Variants in SLC28A1 observed in about 807,000 individuals in gnomAD.
SLC28A1 encodes sodium/nucleoside cotransporter 1.
Under a neutral mutation model 74.8 loss-of-function variants are expected in SLC28A1, and 64 were observed. That is an observed-to-expected ratio of 0.86 (90% CI 0.70 to 1.05). The LOEUF is 1.05. Ranked by LOEUF, SLC28A1 falls within the 50% of genes least tolerant of loss-of-function variation. The pLI is 0.00. For missense variants in SLC28A1, 828 were observed against 822.8 expected (o/e 1.01, Z -0.08); for synonymous variants, 359 against 335.0 (o/e 1.07, Z -0.78).
At chr15:84,912,830 A>G (rs1469658307) in intron 9 of SLC28A1, among the ~76,000 whole-genome samples, 5 of 151,810 alleles carry the variant, frequency 3.3e-5, no homozygotes, top group South Asian at 4.2e-4. Context: ...ACACACACAC[A>G]CACACACACA....
At chr15:84,950,874 G>A in the SLC28A1 span, among the ~76,000 whole-genome samples, 3,098 of 152,084 alleles carry the variant, frequency 0.02, 56 homozygotes, top group Non-Finnish European at 0.026. Flanking sequence ...TTCAGCTTTC[G>A]TGGGCCATAT....
chr15:84,890,999 G>A (rs898566229), intron 5 of SLC28A1, among the ~76,000 whole-genome samples: 1 of 152,202 alleles, frequency 6.6e-6, no homozygotes, highest in African/African-American at 2.4e-5. Flanking sequence ...GGAGGGTAAA[G>A]TTCTAGACAA....
Position 84,888,828 on chromosome 15 carries a change from G to T in SLC28A1, c.153G>T (p.Trp51Cys). 1 of 1,554,204 alleles carries T rather than the reference G, an allele frequency of 6.4e-7. No individual in the cohort carries two copies. The highest frequency in any genetic ancestry group is 1.2e-5 in the South Asian group (1 of 84,166). The change falls in exon 4 of 19, where the codon TGG (tryptophan) becomes TGT (cysteine). Residue 51 changes from tryptophan to cysteine, a missense_variant. By Grantham distance (215) the Trp-to-Cys change is radical. Transcript: ENST00000394573. The part of the protein sequence containing the change: ...DLSPAEIRSS[W>C]SEAAPKPFSR... ...GCCCCGCAGAGATCAGGAGCAGCTG[G>T]AGCGAGGCGGCGCCGAAGCCCTTCT...
chr15:84,888,831 C>T lies in SLC28A1; in HGVS notation c.156C>T (p.Ser52=), dbSNP rs778321548. Reference sequence around the variant, plus strand: ...CCGCAGAGATCAGGAGCAGCTGGAGCGAGGCGGCGCCGAAGCCCTTCTCCA... The same window carrying T: ...CCGCAGAGATCAGGAGCAGCTGGAGTGAGGCGGCGCCGAAGCCCTTCTCCA... ...LSPAEIRSSW[S]EAAPKPFSRW... is the part of the protein sequence containing the mutation. The change falls in exon 4 of 19, where the codon AGC becomes AGT. Residue 52 remains serine, a synonymous_variant. Transcript: ENST00000394573. 12 of 1,553,588 alleles carry T rather than the reference C, an allele frequency of 7.7e-6. No individual in the cohort carries two copies. Among genetic ancestry groups the T allele is most frequent in the African/African-American group, 6.8e-5 (5 of 73,158 alleles).
chr15:84,939,980 C>A (rs376807810), intron 15 of SLC28A1, among the ~76,000 whole-genome samples: 1 of 152,116 alleles, frequency 6.6e-6, no homozygotes, highest in Admixed American at 6.6e-5. Flanking sequence ...TGTGCCACCA[C>A]ACCTGGCTAA....
intron 2 of SLC28A1, 27 bp from the exon 3 acceptor site, chr15:84,887,718 T>C (rs1446172991): frequency 3.1e-6 from 5 of 1,603,764 alleles, no homozygotes; most frequent in African/African-American, 1.3e-5. Flanking sequence ...CCTTTCAGCG[T>C]TGGGCGCTCC....
intron 7 of SLC28A1, among the ~76,000 whole-genome samples, chr15:84,905,285 G>C (rs1017202383): frequency 6.6e-6 from 1 of 152,214 alleles, no homozygotes; most frequent in Admixed American, 6.5e-5. Context: ...CATGCCCAAG[G>C]CTGGTCCGGT....
chr15:84,946,043 CACATATATATACAT>C (rs2079191357), downstream of SLC28A1, among the ~76,000 whole-genome samples: 1 of 127,816 alleles, frequency 7.8e-6, no homozygotes, highest in African/African-American at 2.9e-5. Context: ...TATAAATACA[CACATATATATACAT>C]ACATATATAT....
intron 9 of SLC28A1, among the ~76,000 whole-genome samples, chr15:84,915,376 A>C (rs768470998): frequency 6.6e-6 from 1 of 152,212 alleles, no homozygotes; most frequent in African/African-American, 2.4e-5. Flanking sequence ...CATTCTCTTC[A>C]GGGTCCATTC....
intron 4 of SLC28A1, among the ~76,000 whole-genome samples, chr15:84,889,777 T>TCTTC (rs201958570): frequency 7.0e-6 from 1 of 143,308 alleles, no homozygotes; most frequent in East Asian, 2.1e-4. Context: ...TTTCTTTCTC[T>TCTTC]CTTCCTTCCT....
intron 15 of SLC28A1, among the ~76,000 whole-genome samples, chr15:84,940,016 C>T (rs1315528143): frequency 2.6e-5 from 4 of 151,970 alleles, no homozygotes; most frequent in Admixed American, 6.6e-5. Flanking sequence ...TTTGTAGAGA[C>T]GGGGTCTCGC....
chr15:84,931,679 GAAAGAA>G (rs1971314485), intron 12 of SLC28A1, among the ~76,000 whole-genome samples: 1 of 85,752 alleles, frequency 1.2e-5, no homozygotes, highest in Admixed American at 1.2e-4. Flanking sequence ...AAAAAAAAAT[GAAAGAA>G]AAGAAAGATA....
intron 10 of SLC28A1, among the ~76,000 whole-genome samples, chr15:84,919,558 C>T (rs1385836836): frequency 6.6e-6 from 1 of 152,120 alleles, no homozygotes; most frequent in African/African-American, 2.4e-5. Flanking sequence ...CTGGTAAGGG[C>T]CTTCTTGCTG....
chr15:84,967,780 C>G, the SLC28A1 span, among the ~76,000 whole-genome samples: 1 of 152,146 alleles, frequency 6.6e-6, no homozygotes, highest in East Asian at 1.9e-4. Flanking sequence ...GAAAGTGTCA[C>G]TGTTCCTGGA....
chr15:84,907,213 T>C (rs1967379624), intron 8 of SLC28A1, among the ~76,000 whole-genome samples: 1 of 152,254 alleles, frequency 6.6e-6, no homozygotes, highest in African/African-American at 2.4e-5. Flanking sequence ...GCATGAGTGA[T>C]TCCATTGTGG....
At position 84,908,753 on chromosome 15, in the gene SLC28A1, C is replaced by T. The variant is rs141753029; in HGVS notation, c.753C>T (p.Phe251=). 9.9e-5 allele frequency: 159 copies of T among 1,613,940 alleles called. No individual in the cohort carries two copies. The highest frequency in any genetic ancestry group is 1.2e-4 in the Non-Finnish European group (147 of 1,180,026). ...GCTACACGAAGGCTGGCTCCAGCTT[C>T]GTGTTTGGGGAGGCGCTGGTCAAGG... ...FLSYTKAGSS[F]VFGEALVKDV... is the part of the protein sequence containing the mutation. The change falls in exon 9 of 19, where the codon TTC becomes TTT. Residue 251 remains phenylalanine (F), a synonymous_variant. Coordinates refer to ENST00000394573, the MANE Select transcript of SLC28A1 (RefSeq NM_004213.5).
the SLC28A1 span, among the ~76,000 whole-genome samples, chr15:84,953,172 G>A: frequency 1.6e-4 from 24 of 152,210 alleles, no homozygotes; most frequent in Admixed American, 1.2e-3. Context: ...TTATTTCAGT[G>A]TCAGCTGCTC....
chr15:84,887,253 C>T (rs1297923442), intron 2 of SLC28A1: 2 of 549,354 alleles, frequency 3.6e-6, no homozygotes, highest in African/African-American at 2.0e-5. Flanking sequence ...TAGGTCCTCT[C>T]TTCAGAAAAA....
At chr15:84,891,572 G>A (rs1055169141) in intron 5 of SLC28A1, among the ~76,000 whole-genome samples, 2 of 152,226 alleles carry the variant, frequency 1.3e-5, no homozygotes, top group African/African-American at 4.8e-5. Context: ...CAGCCACACA[G>A]AAGGGGTTGG....
Sources: gnomAD v4.1 joint callset for allele counts (sites outside exome capture counted in the v4.1 genomes callset) on GRCh38, gnomAD v4.1.1 for gene constraint, MANE v1.5 for transcripts, NCBI Gene and HGNC (gene_info 2026-07-23, HGNC 2026-07-21) for gene names.